GPC5: variants seen among roughly 807,000 people sequenced by gnomAD.
GPC5 encodes glypican 5.
A neutral mutation model predicts 53.9 loss-of-function variants in GPC5; 47 were observed. The observed-to-expected ratio is 0.87, with a 90% CI of 0.69 to 1.11. The LOEUF is 1.11. Ranked by LOEUF, GPC5 falls within the 50% of genes most tolerant of loss-of-function variation. GPC5 has a pLI of 0.00. For synonymous variants in GPC5, 286 were observed against 263.3 expected (o/e 1.09, Z -0.84); for missense variants, 748 against 713.1 (o/e 1.05, Z -0.56).
intron 7 of GPC5, among the ~76,000 whole-genome samples, chr13:92,706,309 C>T (rs1887950945): frequency 6.6e-6 from 1 of 151,598 alleles, no homozygotes; most frequent in African/African-American, 2.4e-5. Flanking sequence ...GAATTTAATA[C>T]AAATAAGGCT....
chr13:91,829,193 C>T (rs1356955364), intron 5 of GPC5, among the ~76,000 whole-genome samples: 1 of 152,172 alleles, frequency 6.6e-6, no homozygotes, highest in Admixed American at 6.6e-5. Context: ...ACATAAACTC[C>T]TCTAATTATG....
At chr13:92,233,271 T>C (rs1027359699) in intron 7 of GPC5, among the ~76,000 whole-genome samples, 5 of 152,222 alleles carry the variant, frequency 3.3e-5, no homozygotes, top group African/African-American at 1.2e-4. Flanking sequence ...TTCTACTGTA[T>C]AAAACAAAGT....
intron 5 of GPC5, among the ~76,000 whole-genome samples, chr13:91,831,733 T>C (rs1884268682): frequency 6.6e-6 from 1 of 151,850 alleles, no homozygotes; most frequent in African/African-American, 2.4e-5. Flanking sequence ...TAAAGAAAAT[T>C]AGCAGGTTTT....
intron 7 of GPC5, among the ~76,000 whole-genome samples, chr13:92,183,356 A>G (rs2042161365): frequency 6.6e-6 from 1 of 151,198 alleles, no homozygotes; most frequent in Non-Finnish European, 1.5e-5. Context: ...GGGTGAGGTC[A>G]GCTGCTTTTT....
At chr13:92,382,453 G>T (rs1364476743) in intron 7 of GPC5, among the ~76,000 whole-genome samples, 2 of 152,026 alleles carry the variant, frequency 1.3e-5, no homozygotes, top group Non-Finnish European at 2.9e-5. Context: ...TCTAGGAATT[G>T]GTTACAATGA....
intron 2 of GPC5, among the ~76,000 whole-genome samples, chr13:91,687,624 T>G (rs1269568097): frequency 1.3e-5 from 2 of 152,014 alleles, no homozygotes; most frequent in East Asian, 3.8e-4. Flanking sequence ...CAGCCTTTAA[T>G]TCGATCTACC....
At chr13:92,288,459 G>A (rs1449348818) in intron 7 of GPC5, among the ~76,000 whole-genome samples, 1 of 152,144 alleles carries the variant, frequency 6.6e-6, no homozygotes, top group African/African-American at 2.4e-5. Flanking sequence ...TGTCCAAACT[G>A]TTTTCATAAG....
intron 2 of GPC5, among the ~76,000 whole-genome samples, chr13:91,667,319 T>G (rs1424811395): frequency 6.6e-6 from 1 of 152,246 alleles, no homozygotes; most frequent in Non-Finnish European, 1.5e-5. Context: ...TGTGTGGGTA[T>G]GTGTGTAATG....
At chr13:91,625,921 A>G (rs1281425603) in intron 2 of GPC5, among the ~76,000 whole-genome samples, 3 of 152,104 alleles carry the variant, frequency 2.0e-5, no homozygotes, top group Non-Finnish European at 2.9e-5. Context: ...CTCTCCATGA[A>G]TCTATTATCT....
At chr13:92,258,495 G>T (rs1243316048) in intron 7 of GPC5, among the ~76,000 whole-genome samples, 1 of 152,196 alleles carries the variant, frequency 6.6e-6, no homozygotes, top group African/African-American at 2.4e-5. Flanking sequence ...TCTAGTCAGT[G>T]TGTTAATATC....
At chr13:92,445,126 A>AT (rs1473370249) in intron 7 of GPC5, among the ~76,000 whole-genome samples, 2 of 151,052 alleles carry the variant, frequency 1.3e-5, no homozygotes, top group Non-Finnish European at 3.0e-5. Flanking sequence ...ATGAGTGCAA[A>AT]TTTTTTCTTT....
chr13:92,250,391 G>A (rs2042684088), intron 7 of GPC5, among the ~76,000 whole-genome samples: 1 of 152,076 alleles, frequency 6.6e-6, no homozygotes, highest in Admixed American at 6.6e-5. Context: ...TTATAATTAC[G>A]CTCACAGCTG....
chr13:92,201,663 T>A (rs7987992), intron 7 of GPC5, among the ~76,000 whole-genome samples: 3,420 of 152,242 alleles, frequency 0.022, 116 homozygotes, highest in African/African-American at 0.077. Context: ...TATGCTAGGT[T>A]ACTGATTCAG....
intron 7 of GPC5, among the ~76,000 whole-genome samples, chr13:92,561,117 T>C (rs1882681480): frequency 6.6e-6 from 1 of 151,984 alleles, no homozygotes. Context: ...GGAGTAGCCA[T>C]AGTAAAATCC....
chr13:92,521,667 A>G (rs1881053811), intron 7 of GPC5, among the ~76,000 whole-genome samples: 1 of 152,186 alleles, frequency 6.6e-6, no homozygotes, highest in South Asian at 2.1e-4. Context: ...CTAAAACCAT[A>G]AAAACCCTAG....
intron 2 of GPC5, among the ~76,000 whole-genome samples, chr13:91,555,454 A>G (rs1207124388): frequency 1.5e-4 from 1 of 6,600 alleles, no homozygotes; most frequent in East Asian, 0.011. Context: ...ATATAGAAGG[A>G]TGTTTTCTGG....
chr13:92,073,172 T>G (rs1365975517), intron 6 of GPC5, among the ~76,000 whole-genome samples: 1 of 152,202 alleles, frequency 6.6e-6, no homozygotes, highest in Non-Finnish European at 1.5e-5. Context: ...ATATTTCTTG[T>G]GTTAAATTCT....
intron 7 of GPC5, among the ~76,000 whole-genome samples, chr13:92,243,846 A>G (rs1335382241): frequency 6.6e-6 from 1 of 152,160 alleles, no homozygotes. Context: ...CAGCTAAAGA[A>G]GAGATGGCAG....
At chr13:91,881,665 G>A (rs1233752571) in intron 5 of GPC5, among the ~76,000 whole-genome samples, 3 of 152,104 alleles carry the variant, frequency 2.0e-5, no homozygotes, top group South Asian at 4.1e-4. Flanking sequence ...GACCAGAACC[G>A]TGTTTGTCTC....
Sources: allele counts gnomAD v4.1 joint callset (sites outside exome capture counted in the v4.1 genomes callset), GRCh38; gene constraint gnomAD v4.1.1; transcripts MANE v1.5; gene names NCBI Gene and HGNC (gene_info 2026-07-23, HGNC 2026-07-21).